TTC29: variants seen among roughly 807,000 people sequenced by gnomAD.
TTC29 encodes the protein tetratricopeptide repeat domain 29.
A neutral mutation model predicts 58.1 loss-of-function variants in TTC29; 49 were observed. The observed-to-expected ratio is 0.84, with a 90% CI of 0.67 to 1.07. The LOEUF (loss-of-function observed/expected upper bound fraction) is 1.07. Among genes scored for constraint, TTC29 ranks in the 50% least tolerant of loss-of-function variants. The pLI is 0.00. For missense variants in TTC29, 582 were observed against 555.6 expected, an observed-to-expected ratio of 1.05 and a Z score of -0.48; for synonymous variants, 209 against 196.8, an observed-to-expected ratio of 1.06 and a Z score of -0.52.
At position 146,738,932 on chromosome 4, in the gene TTC29, G is replaced by A. The variant is rs184283411; in HGVS notation, c.1331-31381C>T. On this transcript the variant is annotated intron_variant, in intron 11 of 12. Coordinates refer to ENST00000325106, the MANE Select transcript of TTC29 (RefSeq NM_031956.4). ...ATGGATGCTCTGCAGCCCTTACCCC[G>A]TGCCTTACCCTGTGCATCTCTTCAC... 2.0e-4 allele frequency among the ~76,000 whole-genome samples: 30 copies of A among 152,234 alleles called. No homozygotes were observed. The East Asian group carries it at 3.7e-3, about 19-fold the overall frequency.
In TTC29 at chr4:146,749,597, A is replaced by G. The variant is rs923883578; in HGVS notation, c.1331-42046T>C. Among the ~76,000 whole-genome samples the G allele has an allele frequency of 4.6e-5, 7 of 152,184 alleles. No homozygotes were observed. The East Asian group carries it at 1.2e-3, about 25-fold the overall frequency. ...ATGGGACTTCCAGAGAAGAGGAGAC[A>G]GAGAAAGGGAAAACAAGCATACTTA... On this transcript the variant is annotated intron_variant, in intron 11 of 12. Transcript: ENST00000325106.
At chr4:146,761,231 GA>G (rs1170129156) in intron 11 of TTC29, among the ~76,000 whole-genome samples, 1 of 151,536 alleles carries the variant, frequency 6.6e-6, no homozygotes, top group Non-Finnish European at 1.5e-5. Context: ...ATAACTAATG[GA>G]AAAAAATACA....
chr4:146,804,231 T>G (rs1239756955), intron 10 of TTC29, among the ~76,000 whole-genome samples: 2 of 152,162 alleles, frequency 1.3e-5, no homozygotes, highest in Non-Finnish European at 2.9e-5. Context: ...ATTATGCTTT[T>G]CCCATGGTCT....
chr4:146,919,636 A>G (rs1166059144), intron 4 of TTC29, among the ~76,000 whole-genome samples: 1 of 151,100 alleles, frequency 6.6e-6, no homozygotes, highest in Non-Finnish European at 1.5e-5. Flanking sequence ...AAAACCACCC[A>G]TCTTCACACT....
intron 6 of TTC29, among the ~76,000 whole-genome samples, chr4:146,883,606 G>A (rs1579905569): frequency 1.3e-5 from 2 of 151,958 alleles, no homozygotes; most frequent in Admixed American, 1.3e-4. Context: ...TATTTTAGGG[G>A]CAGTGCCTCT....
chr4:146,835,589 G>A (rs1273267051), intron 8 of TTC29, among the ~76,000 whole-genome samples: 1 of 151,994 alleles, frequency 6.6e-6, no homozygotes, highest in Admixed American at 6.6e-5. Context: ...TTAGACCGTA[G>A]GATCTTAAGT....
intron 9 of TTC29, among the ~76,000 whole-genome samples, chr4:146,833,079 C>T (rs1272915348): frequency 6.6e-6 from 1 of 152,160 alleles, no homozygotes; most frequent in Non-Finnish European, 1.5e-5. Context: ...TATATTACTA[C>T]AGTTACTGCA....
chr4:146,820,275 T>A, intron 9 of TTC29, 27 bp from the exon 10 acceptor site: 1 of 1,603,598 alleles, frequency 6.2e-7, no homozygotes, highest in Non-Finnish European at 8.5e-7. Context: ...AGGAAGTCAA[T>A]GGAGTATCAT....
intron 6 of TTC29, among the ~76,000 whole-genome samples, chr4:146,877,127 C>A (rs111367863): frequency 6.6e-6 from 1 of 151,750 alleles, no homozygotes; most frequent in Non-Finnish European, 1.5e-5. Flanking sequence ...ATTATAGAAG[C>A]CGATCTTGTT....
intron 6 of TTC29, among the ~76,000 whole-genome samples, chr4:146,891,627 T>C (rs1305846928): frequency 1.3e-5 from 2 of 152,090 alleles, no homozygotes; most frequent in East Asian, 1.9e-4. Flanking sequence ...CCCACAGACA[T>C]TGGGTGGTGA....
At chr4:146,909,366 G>GCTTT in intron 4 of TTC29, 117 bp from the exon 5 acceptor site, 1 of 780,066 alleles carries the variant, frequency 1.3e-6, no homozygotes, top group Non-Finnish European at 2.0e-6. Context: ...CTCAGTGAAA[G>GCTTT]CACTGAAAAC....
At chr4:146,720,746 C>G (rs1579518948) in intron 11 of TTC29, among the ~76,000 whole-genome samples, 1 of 152,030 alleles carries the variant, frequency 6.6e-6, no homozygotes. Context: ...TTTTATTCTG[C>G]TTGTATAATA....
intron 11 of TTC29, among the ~76,000 whole-genome samples, chr4:146,724,108 G>C (rs1444696121): frequency 6.6e-6 from 1 of 152,166 alleles, no homozygotes; most frequent in African/African-American, 2.4e-5. Flanking sequence ...TATCCTAAGT[G>C]AATTAATGCA....
At chr4:146,897,519 C>T (rs1249346069) in intron 6 of TTC29, among the ~76,000 whole-genome samples, 1 of 152,190 alleles carries the variant, frequency 6.6e-6, no homozygotes, top group Non-Finnish European at 1.5e-5. Flanking sequence ...CTTGGTCCCT[C>T]TCCCGCTCCC....
intron 6 of TTC29, among the ~76,000 whole-genome samples, chr4:146,888,810 A>C (rs947761355): frequency 5.3e-5 from 8 of 152,138 alleles, no homozygotes; most frequent in African/African-American, 1.9e-4. Context: ...TAATCATTTA[A>C]GCTGCCATAG....
At chr4:146,723,744 T>C (rs1743556534) in intron 11 of TTC29, among the ~76,000 whole-genome samples, 1 of 152,174 alleles carries the variant, frequency 6.6e-6, no homozygotes, top group Admixed American at 6.5e-5. Flanking sequence ...CTTGTGAGCC[T>C]GTGGAGAAAA....
intron 8 of TTC29, among the ~76,000 whole-genome samples, chr4:146,836,804 C>T (rs1728541553): frequency 6.6e-6 from 1 of 152,044 alleles, no homozygotes; most frequent in Non-Finnish European, 1.5e-5. Context: ...GATACCATCT[C>T]TTATGAGTTG....
At chr4:146,829,356 T>C (rs760223540) in intron 9 of TTC29, among the ~76,000 whole-genome samples, 2 of 152,172 alleles carry the variant, frequency 1.3e-5, no homozygotes, top group Non-Finnish European at 2.9e-5. Flanking sequence ...GAACATAGAT[T>C]TTGGTTGAAC....
At chr4:146,890,602 G>C (rs1239774396) in intron 6 of TTC29, among the ~76,000 whole-genome samples, 1 of 152,220 alleles carries the variant, frequency 6.6e-6, no homozygotes, top group Non-Finnish European at 1.5e-5. Flanking sequence ...GCCTTGTGTA[G>C]GGATAGTCAT....
Sources: gnomAD v4.1 joint callset for allele counts (sites outside exome capture counted in the v4.1 genomes callset) on GRCh38, gnomAD v4.1.1 for gene constraint, MANE v1.5 for transcripts, NCBI Gene and HGNC (gene_info 2026-07-23, HGNC 2026-07-21) for gene names.